Variants in MYO9B observed in about 807,000 individuals in gnomAD.
The protein encoded by MYO9B is unconventional myosin-IXb.
Under a neutral mutation model 229.5 loss-of-function variants are expected in MYO9B, and 71 were observed. That is an observed-to-expected ratio of 0.31 (90% confidence interval 0.26 to 0.38). The LOEUF (loss-of-function observed/expected upper bound fraction) is 0.38. MYO9B is among the 10% of genes least tolerant of loss of function. The pLI is 1.00. For synonymous variants in MYO9B, 1,185 were observed against 1,235.8 expected (o/e 0.96, Z 0.86); for missense variants, 2,255 against 2,920.5 (o/e 0.77, Z 5.25).
Position 17,101,463 on chromosome 19 carries a change from G to A in MYO9B, c.-58-197G>A, listed in dbSNP as rs978867422. Among the ~76,000 whole-genome samples the A allele has an allele frequency of 6.6e-6, 1 of 152,186 alleles. No individual in the cohort carries two copies. Among genetic ancestry groups the A allele is most frequent in the African/African-American group, 2.4e-5 (1 of 41,456 alleles). On this transcript the variant is annotated intron_variant, in intron 1 of 39. Transcript: ENST00000682292. The surrounding 1 kb of genome is among the most constrained non-coding windows in gnomAD (Gnocchi z 4.7). ...ATTATAAGCATGAGCCACTGCAGGA[G>A]CCTGAGGTCACATTGAAGGACAGAC...
chr19:17,116,314 C>T (rs1479447932), intron 2 of MYO9B, among the ~76,000 whole-genome samples: 4 of 152,226 alleles, frequency 2.6e-5, no homozygotes, highest in Non-Finnish European at 5.9e-5. Flanking sequence ...CACCAGCCCC[C>T]TTCCTCACTG....
At chr19:17,205,383 G>A (rs73931845) in intron 31 of MYO9B, 47 bp downstream of exon 31, 47 of 1,566,486 alleles carry the variant, frequency 3.0e-5, no homozygotes, top group Non-Finnish European at 3.7e-5. Flanking sequence ...CTCCACTCAC[G>A]GCCAGGTGCA....
intron 1 of MYO9B, among the ~76,000 whole-genome samples, chr19:17,083,062 A>G (rs1159915966): frequency 1.7e-5 from 2 of 115,562 alleles, no homozygotes; most frequent in Non-Finnish European, 3.3e-5. Context: ...ACAGGGTCTC[A>G]CTCTGTCACC....
intron 2 of MYO9B, among the ~76,000 whole-genome samples, chr19:17,124,390 CA>C (rs1307810649): frequency 6.6e-6 from 1 of 152,104 alleles, no homozygotes; most frequent in Non-Finnish European, 1.5e-5. Context: ...CAGAGTAGAA[CA>C]ATTACAAGTG....
chr19:17,115,792 G>A (rs1318996445), intron 2 of MYO9B, among the ~76,000 whole-genome samples: 1 of 151,626 alleles, frequency 6.6e-6, no homozygotes, highest in Non-Finnish European at 1.5e-5. Context: ...CTTATCTTCT[G>A]CTCAGCTCCC....
intron 2 of MYO9B, among the ~76,000 whole-genome samples, chr19:17,120,125 G>C (rs971227118): frequency 1.3e-5 from 2 of 152,164 alleles, no homozygotes; most frequent in African/African-American, 4.8e-5. Flanking sequence ...CCAAGATGGA[G>C]GTGATGAGGA....
intron 1 of MYO9B, among the ~76,000 whole-genome samples, chr19:17,084,989 GA>G (rs1172169169): frequency 6.6e-6 from 1 of 152,090 alleles, no homozygotes; most frequent in African/African-American, 2.4e-5. Context: ...CAATGATATA[GA>G]AGAACACCAA....
At chr19:17,144,865 G>A (rs2072387491) in intron 2 of MYO9B, among the ~76,000 whole-genome samples, 3 of 151,250 alleles carry the variant, frequency 2.0e-5, no homozygotes, top group Admixed American at 6.6e-5. Context: ...AGCCACTCGG[G>A]AGGCTGAGCC....
Position 17,127,812 on chromosome 19 carries a change from T to C in MYO9B, c.841-17585T>C, listed in dbSNP as rs370610741. Among the ~76,000 whole-genome samples, 31 of 152,348 alleles carry C rather than the reference T, an allele frequency of 2.0e-4. No homozygotes were observed. The East Asian group carries it at 2.9e-3, about 14-fold the overall frequency. On this transcript the variant is annotated intron_variant, in intron 2 of 39. Transcript: ENST00000682292. ...CGCTTTCCTGCCACATTGGCAGAGC[T>C]GAGCGGTGACAGCAGATGGAGCCAA...
chr19:17,182,857 T>G (rs2072876336), intron 15 of MYO9B, among the ~76,000 whole-genome samples: 2 of 152,272 alleles, frequency 1.3e-5, no homozygotes, highest in South Asian at 4.1e-4. Context: ...TCTGCAAGAT[T>G]CCATAAGGTG....
chr19:17,210,946 T>G lies in MYO9B; in HGVS notation c.5930+98T>G, dbSNP rs2073220732. The G allele has an allele frequency of 2.3e-6, 3 of 1,312,394 alleles. No individual in the cohort carries two copies. The African/African-American group carries it at 4.5e-5, about 20-fold the overall frequency. 81.3% of individuals were successfully genotyped at this position (1,312,394 alleles called of 1,614,324 possible). On this transcript the variant is annotated intron_variant, in intron 38 of 39. Coordinates refer to ENST00000682292, the MANE Select transcript of MYO9B (RefSeq NM_004145.4). ...GTCCGCTTGACCTCGCCAGGTTTGG[T>G]CCTGTCATCCCTAACACTGGGCAAA...
In MYO9B at chr19:17,081,442, G is replaced by A. The variant is rs138059282; in HGVS notation, c.-59+5568G>A. On this transcript the variant is annotated intron_variant, in intron 1 of 39. Coordinates refer to ENST00000682292, the MANE Select transcript of MYO9B (RefSeq NM_004145.4). Reference sequence around the variant, plus strand: ...AAATAAACACTTTAAGGGTGAGCAGGTTGGTTGGCCACATCAATTTTGGAC... The same window carrying A: ...AAATAAACACTTTAAGGGTGAGCAGATTGGTTGGCCACATCAATTTTGGAC... Among the ~76,000 whole-genome samples, 812 of 152,272 alleles carry A rather than the reference G, an allele frequency of 5.3e-3. 7 individuals are homozygous for A. The highest frequency in any genetic ancestry group is 0.016 in the African/African-American group (682 of 41,558).
Position 17,198,288 on chromosome 19 carries a change from G to T in MYO9B, c.4218G>T (p.Pro1406=), listed in dbSNP as rs768488779. 5.0e-6 allele frequency: 8 copies of T among 1,613,854 alleles called. No homozygotes were observed. The highest frequency in any genetic ancestry group is 6.8e-6 in the Non-Finnish European group (8 of 1,179,864). The change falls in exon 24 of 40, where the codon CCG becomes CCT. Residue 1406 remains proline (P), a synonymous_variant. Coordinates refer to ENST00000682292, the MANE Select transcript of MYO9B (RefSeq NM_004145.4). ...ASSLPDAGLS[P]GSQVDSKSTF... ...CCCTCCCAGACGCAGGGCTGTCCCC[G>T]GGCTCTCAGGTCGACTCTAAGTAAG...
intron 2 of MYO9B, among the ~76,000 whole-genome samples, chr19:17,140,254 G>C (rs1456046772): frequency 6.6e-6 from 1 of 152,142 alleles, no homozygotes; most frequent in Non-Finnish European, 1.5e-5. Flanking sequence ...TATTCTCACA[G>C]TTCTGAAAGT....
intron 36 of MYO9B, 145 bp downstream of exon 36, chr19:17,209,854 T>A: frequency 1.8e-6 from 2 of 1,137,352 alleles, no homozygotes; most frequent in Non-Finnish European, 2.4e-6. Flanking sequence ...GGACCTCCCA[T>A]GCCGAGGATG....
chr19:17,138,504 C>A (rs192510476), intron 2 of MYO9B, among the ~76,000 whole-genome samples: 2 of 152,264 alleles, frequency 1.3e-5, no homozygotes, highest in Admixed American at 1.3e-4. Flanking sequence ...GTCTTGAACT[C>A]CTGGCCTCAA....
chr19:17,210,558 C>G (rs1267032100), intron 37 of MYO9B, 157 bp from the exon 38 acceptor site: 2 of 1,239,618 alleles, frequency 1.6e-6, no homozygotes, highest in East Asian at 5.2e-5. Context: ...TAATCGGCCA[C>G]ATGACCACCA....
At chr19:17,178,452 A>G (rs2072815620) in intron 14 of MYO9B, 7 of 151,710 alleles carry the variant, frequency 4.6e-5, no homozygotes, top group Admixed American at 4.6e-4. Context: ...GAAAAAATAA[A>G]TAAAATGTCT....
At chr19:17,083,779 T>G (rs1187510798) in intron 1 of MYO9B, among the ~76,000 whole-genome samples, 5 of 151,710 alleles carry the variant, frequency 3.3e-5, no homozygotes, top group African/African-American at 1.2e-4. Flanking sequence ...GCCTCCCAAG[T>G]AGGTGGGGTT....
Sources: gnomAD v4.1 joint callset for allele counts (sites outside exome capture counted in the v4.1 genomes callset) on GRCh38, gnomAD v4.1.1 for gene constraint, Gnocchi (gnomAD v3.1) non-coding constraint, MANE v1.5 for transcripts, NCBI Gene and HGNC (gene_info 2026-07-23, HGNC 2026-07-21) for gene names.